SIRT5: variants seen among roughly 807,000 people sequenced by gnomAD.
The protein encoded by SIRT5 is NAD-dependent protein deacylase sirtuin-5, mitochondrial.
A neutral mutation model predicts 40.0 loss-of-function variants in SIRT5; 26 were observed. That is an observed-to-expected ratio of 0.65 (90% CI 0.48 to 0.90). SIRT5 has a LOEUF of 0.90. SIRT5 is among the 40% of genes least tolerant of loss of function. SIRT5 has a pLI of 0.00. For missense variants in SIRT5, 401 were observed against 402.4 expected, an observed-to-expected ratio of 1.00 and a Z score of 0.03; for synonymous variants, 146 against 149.1, an observed-to-expected ratio of 0.98 and a Z score of 0.15.
intron 1 of SIRT5, among the ~76,000 whole-genome samples, chr6:13,577,294 C>A (rs990773177): frequency 1.3e-5 from 2 of 152,062 alleles, no homozygotes; most frequent in African/African-American, 4.8e-5. Context: ...ACATGGGATA[C>A]CTTTTTACTT....
Position 13,613,818 on chromosome 6 carries a change from C to G in SIRT5, c.*1953C>G, listed in dbSNP as rs1764134496. 1 of 152,152 alleles carries G rather than the reference C, an allele frequency of 6.6e-6. No homozygotes were observed. Among genetic ancestry groups the G allele is most frequent in the African/African-American group, 2.4e-5 (1 of 41,432 alleles). 9.4% of individuals were successfully genotyped at this position (152,152 alleles called of 1,614,324 possible). A position where few individuals can be genotyped will look rare whatever the true frequency, so the allele number is the denominator to read the frequency against. On this transcript the variant is annotated 3_prime_UTR_variant, in exon 10 of 10. Transcript: ENST00000606117. ...ACCATCATGCACTTATAAGTTTGTT[C>G]TTGGGCTGCTCCAAGTTAACTTTAT...
chr6:13,603,874 G>A (rs1338630481), intron 9 of SIRT5, among the ~76,000 whole-genome samples: 3 of 152,208 alleles, frequency 2.0e-5, no homozygotes, highest in Admixed American at 6.5e-5. Context: ...TAAAAAGAAC[G>A]AGATATCCAT....
intron 2 of SIRT5, among the ~76,000 whole-genome samples, chr6:13,583,075 G>A (rs1034806894): frequency 7.9e-5 from 12 of 151,944 alleles, no homozygotes; most frequent in East Asian, 3.9e-4. Flanking sequence ...GCATGGTGGC[G>A]CGTGCCTGTA....
intron 9 of SIRT5, among the ~76,000 whole-genome samples, chr6:13,611,207 G>GTATATATATATATA (rs1172335284): frequency 7.5e-5 from 7 of 93,598 alleles, no homozygotes; most frequent in East Asian, 5.5e-4. Context: ...GTGTGTGTGT[G>GTATATATATATATA]TATATATATA....
Position 13,613,786 on chromosome 6 carries a change from A to C in SIRT5, c.*1921A>C, listed in dbSNP as rs1200726416. 6.6e-6 allele frequency: 1 copy of C among 152,238 alleles called. No individual in the cohort carries two copies. Among genetic ancestry groups the C allele is most frequent in the Non-Finnish European group, 1.5e-5 (1 of 68,042 alleles). 9.4% of individuals were successfully genotyped at this position (152,238 alleles called of 1,614,324 possible). A position where few individuals can be genotyped will look rare whatever the true frequency, so the allele number is the denominator to read the frequency against. Reference sequence around the variant, plus strand: ...TAGTACTTATAAAGCAGTTTTGCACATAAAATACCATCATGCACTTATAAG... The same window carrying C: ...TAGTACTTATAAAGCAGTTTTGCACCTAAAATACCATCATGCACTTATAAG... On this transcript the variant is annotated 3_prime_UTR_variant, in exon 10 of 10. Coordinates refer to ENST00000606117, the MANE Select transcript of SIRT5 (RefSeq NM_012241.5).
chr6:13,605,094 TTTAAACACAGAGCTTAACAATG>T, intron 9 of SIRT5: 1 of 985,788 alleles, frequency 1.0e-6, no homozygotes, highest in Non-Finnish European at 1.2e-6. Flanking sequence ...GAGAGGACTG[TTTAAACACAGAGCTTAACAATG>T]GCAGAATTGT....
chr6:13,584,826 T>C (rs899156238), intron 3 of SIRT5, among the ~76,000 whole-genome samples: 3 of 152,218 alleles, frequency 2.0e-5, no homozygotes, highest in Admixed American at 2.0e-4. Context: ...CTGGTGATTG[T>C]CCTATAGGGC....
Position 13,599,115 on chromosome 6 carries a change from A to C in SIRT5, c.701A>C (p.Glu234Ala). ...GENLDPAILE[E>A]VDRELAHCDL... ...AACCTGGATCCTGCCATTCTGGAGG[A>C]GGTTGACAGAGAGCTCGCCCACTGT... The change falls in exon 8 of 10, where the codon GAG becomes GCG. Residue 234 changes from glutamate (E) to alanine (A), a missense_variant. Coordinates refer to ENST00000606117, the MANE Select transcript of SIRT5 (RefSeq NM_012241.5). 6.2e-7 allele frequency: 1 copy of C among 1,613,966 alleles called. No individual in the cohort carries two copies. Among genetic ancestry groups the C allele is most frequent in the African/African-American group, 1.3e-5 (1 of 75,014 alleles).
At chr6:13,602,408 G>C (rs1762509084) in intron 9 of SIRT5, among the ~76,000 whole-genome samples, 1 of 152,062 alleles carries the variant, frequency 6.6e-6, no homozygotes, top group South Asian at 2.1e-4. Flanking sequence ...GCTGAGGCAG[G>C]AGAATCGCTT....
intron 4 of SIRT5, 110 bp from the exon 5 acceptor site, chr6:13,591,559 C>A: frequency 1.1e-6 from 1 of 912,562 alleles, no homozygotes; most frequent in Non-Finnish European, 1.6e-6. Context: ...CCAGCCTGCA[C>A]CTTCCCGACG....
rs565181192 is a variant in SIRT5, at chr6:13,610,101, G to T, written c.858-1689G>T. 2.0e-5 allele frequency among the ~76,000 whole-genome samples: 3 copies of T among 152,178 alleles called. No individual in the cohort carries two copies. The South Asian group carries it at 6.2e-4, about 32-fold the overall frequency. On this transcript the variant is annotated intron_variant, in intron 9 of 9. Coordinates refer to ENST00000606117, the MANE Select transcript of SIRT5 (RefSeq NM_012241.5). ...CTCGCCTCAGCTTCCGGAGTTGCTG[G>T]GACTACAAGCTCGTGTCACCACGCA...
intron 9 of SIRT5, among the ~76,000 whole-genome samples, chr6:13,608,680 C>T (rs576677595): frequency 6.6e-6 from 1 of 151,856 alleles, no homozygotes; most frequent in South Asian, 2.1e-4. Flanking sequence ...TTAATTTTTT[C>T]AATTTCCTTA....
intron 7 of SIRT5, among the ~76,000 whole-genome samples, chr6:13,598,565 C>T (rs1761921598): frequency 1.3e-5 from 2 of 152,150 alleles, no homozygotes; most frequent in African/African-American, 2.4e-5. Flanking sequence ...CGCGGTGGCT[C>T]ATGCCTGTAA....
chr6:13,591,073 GTGTA>G (rs1203110845), intron 4 of SIRT5, among the ~76,000 whole-genome samples: 1 of 151,212 alleles, frequency 6.6e-6, no homozygotes, highest in African/African-American at 2.4e-5. Context: ...GTCTAGTTGT[GTGTA>G]TGTGTGTGCA....
chr6:13,578,616 C>CAAA (rs60663066), intron 1 of SIRT5, among the ~76,000 whole-genome samples: 11 of 36,606 alleles, frequency 3.0e-4, no homozygotes, highest in East Asian at 7.1e-4. Context: ...GACTCCATCT[C>CAAA]AAAAAAAAAA....
intron 9 of SIRT5, among the ~76,000 whole-genome samples, chr6:13,611,236 T>TATATAC (rs1349879809): frequency 2.5e-4 from 23 of 92,942 alleles, no homozygotes; most frequent in East Asian, 6.9e-4. Flanking sequence ...TATATATATA[T>TATATAC]ACACACACAC....
At chr6:13,584,285 C>T (rs1035689693) in intron 3 of SIRT5, 60 bp downstream of exon 3, 9 of 1,207,084 alleles carry the variant, frequency 7.5e-6, no homozygotes, top group Non-Finnish European at 1.1e-5. Flanking sequence ...GAAAGTCCTA[C>T]ACTTCGAGAG....
At chr6:13,599,218 TCTC>T in intron 8 of SIRT5, 63 bp downstream of exon 8, 2 of 1,527,900 alleles carry the variant, frequency 1.3e-6, no homozygotes, top group Non-Finnish European at 8.9e-7. Flanking sequence ...TCCTTCCCCC[TCTC>T]CTCTTTTCCT....
chr6:13,604,002 T>C (rs558895551), intron 9 of SIRT5, among the ~76,000 whole-genome samples: 5 of 152,156 alleles, frequency 3.3e-5, no homozygotes, highest in South Asian at 2.1e-4. Context: ...GGCAGATCAA[T>C]AGAGAGAAGG....
Sources: gnomAD v4.1 joint callset for allele counts (sites outside exome capture counted in the v4.1 genomes callset) on GRCh38, gnomAD v4.1.1 for gene constraint, MANE v1.5 for transcripts, NCBI Gene and HGNC (gene_info 2026-07-23, HGNC 2026-07-21) for gene names.